The following PDE4A variants were observed in gnomAD, a reference collection of about 807,000 sequenced individuals.
The protein encoded by PDE4A is 3',5'-cyclic-AMP phosphodiesterase 4A.
PDE4A carries 21 observed loss-of-function variants against 73.9 expected under a neutral mutation model. The observed-to-expected ratio is 0.28, with a 90% CI of 0.20 to 0.41. The LOEUF (loss-of-function observed/expected upper bound fraction) is 0.41. Among genes scored for constraint, PDE4A ranks in the 10% least tolerant of loss-of-function variants. PDE4A has a pLI of 1.00. For missense variants in PDE4A, 958 were observed against 1,211.4 expected (o/e 0.79, Z 3.10); for synonymous variants, 463 against 505.4 (o/e 0.92, Z 1.13).
In PDE4A at chr19:10,430,567, G is replaced by T. The variant is rs191001937; in HGVS notation, c.320+9483G>T. On this transcript the variant is annotated intron_variant, in intron 1 of 14. Coordinates refer to ENST00000380702, the MANE Select transcript of PDE4A (RefSeq NM_001111307.2). ...CAGGAGTGTCCCCACAGATTTGGGGGTGTCCCTGGTGTTTGTGGGGACGCG... is the reference window on the plus strand; with the variant it reads ...CAGGAGTGTCCCCACAGATTTGGGGTTGTCCCTGGTGTTTGTGGGGACGCG... Among the ~76,000 whole-genome samples the T allele has an allele frequency of 1.2e-3, 176 of 152,164 alleles. 2 individuals carry two copies. The East Asian group carries it at 0.031, about 27-fold the overall frequency.
chr19:10,420,545 G>A lies in PDE4A; in HGVS notation c.-220G>A. Reference sequence around the variant, plus strand: ...CGGAGCGCGGAGCGCGGAGAGCGCCGCCGGGCACTGAGCAGAGCTCCAGGC... The same window carrying A: ...CGGAGCGCGGAGCGCGGAGAGCGCCACCGGGCACTGAGCAGAGCTCCAGGC... On this transcript the variant is annotated 5_prime_UTR_variant, in exon 1 of 15. Coordinates refer to ENST00000380702, the MANE Select transcript of PDE4A (RefSeq NM_001111307.2). This position sits in a 1 kb window ranked among gnomAD's most constrained non-coding sequence, Gnocchi z 6.0. 3 of 1,165,748 alleles carry A rather than the reference G, an allele frequency of 2.6e-6. No individual in the cohort carries two copies. Among genetic ancestry groups the A allele is most frequent in the Non-Finnish European group, 3.2e-6 (3 of 940,428 alleles). 72.2% of individuals were successfully genotyped at this position (1,165,748 alleles called of 1,614,324 possible). A position where few individuals can be genotyped will look rare whatever the true frequency, so the allele number is the denominator to read the frequency against.
chr19:10,465,800 G>A (rs373533372), intron 14 of PDE4A, among the ~76,000 whole-genome samples: 4 of 134,842 alleles, frequency 3.0e-5, no homozygotes, highest in African/African-American at 8.3e-5. Flanking sequence ...TCCCGGGTTC[G>A]AGCCATTGTC....
At chr19:10,431,035 G>C (rs2042782032) in intron 1 of PDE4A, 1 of 1,577,532 alleles carries the variant, frequency 6.3e-7, no homozygotes, top group Admixed American at 1.7e-5. Context: ...AGACGCCTTC[G>C]GCTTCTCCGC....
chr19:10,430,086 G>C (rs952702008), intron 1 of PDE4A, among the ~76,000 whole-genome samples: 1 of 151,990 alleles, frequency 6.6e-6, no homozygotes, highest in African/African-American at 2.4e-5. Flanking sequence ...GGGATGATGA[G>C]AGTTGGGGAT....
At chr19:10,436,346 G>A (rs1311603042) in intron 1 of PDE4A, among the ~76,000 whole-genome samples, 4 of 151,724 alleles carry the variant, frequency 2.6e-5, no homozygotes, top group Admixed American at 2.0e-4. Flanking sequence ...ACCTGAGATC[G>A]GGAGTTCAAG....
chr19:10,446,315 A>G lies in PDE4A; in HGVS notation c.418A>G (p.Ser140Gly). The G allele has an allele frequency of 6.2e-7, 1 of 1,613,472 alleles. No individual in the cohort carries two copies. Among genetic ancestry groups the G allele is most frequent in the Non-Finnish European group, 8.5e-7 (1 of 1,179,656 alleles). ...GLVLHAGAAT[S>G]QRRESFLYRS... is the part of the protein sequence containing the mutation. ...CGTGCTGCACGCCGGGGCGGCCACC[A>G]GCCAGCGCCGGGAGTCCTTCCTGTA... is the stretch of plus-strand genomic sequence containing the variant. The change falls in exon 2 of 15, where the codon AGC (serine) becomes GGC (glycine). Residue 140 changes from serine to glycine, a missense_variant. Transcript: ENST00000380702.
At position 10,420,819 on chromosome 19, in the gene PDE4A, C is replaced by T. The variant is rs752794821; in HGVS notation, c.55C>T (p.Pro19Ser). The T allele has an allele frequency of 1.1e-5, 18 of 1,587,302 alleles. No individual in the cohort carries two copies. Among genetic ancestry groups the T allele is most frequent in the Non-Finnish European group, 1.4e-5 (17 of 1,174,922 alleles). ...ERSLSLSLPG[P>S]REGQATLKPP... ...GAGCCTGTCTCTGTCACTGCCCGGG[C>T]CCCGGGAGGGCCAGGCCACCCTGAA... The change falls in exon 1 of 15, where the codon CCC becomes TCC. Residue 19 changes from proline (P) to serine (S), a missense_variant. Coordinates refer to ENST00000380702, the MANE Select transcript of PDE4A (RefSeq NM_001111307.2). This position sits in a 1 kb window ranked among gnomAD's most constrained non-coding sequence, Gnocchi z 6.0.
At chr19:10,444,199 G>A (rs1226859463) in intron 1 of PDE4A, among the ~76,000 whole-genome samples, 1 of 151,636 alleles carries the variant, frequency 6.6e-6, no homozygotes, top group Admixed American at 6.6e-5. Context: ...TGACCAACAT[G>A]GAGAAACCCC....
chr19:10,452,871 C>T (rs1332985881), intron 6 of PDE4A: 3 of 724,494 alleles, frequency 4.1e-6, no homozygotes, highest in African/African-American at 1.9e-5. Flanking sequence ...TAATACCCCC[C>T]CACCCCCAGC....
At chr19:10,431,214 A>G (rs987015933) in intron 1 of PDE4A, 3 of 638,110 alleles carry the variant, frequency 4.7e-6, no homozygotes, top group Non-Finnish European at 7.2e-6. Context: ...AGCGATCAAA[A>G]TCATCCCTGA....
Position 10,420,596 on chromosome 19 carries a change from C to A in PDE4A, c.-169C>A. The A allele has an allele frequency of 7.7e-7, 1 of 1,292,580 alleles. No homozygotes were observed. Among genetic ancestry groups the A allele is most frequent in the Non-Finnish European group, 9.8e-7 (1 of 1,024,762 alleles). The allele number at this position is 1,292,580 out of a possible 1,614,324, so 80.1% of individuals were successfully genotyped here. The stretch of plus-strand genomic sequence containing the variant: ...GCCGAAAGGAAGCTGCAGAGCCCGG[C>A]CCGGGGGCGATTGGCCCGCAGCGCC... On this transcript the variant is annotated 5_prime_UTR_variant, in exon 1 of 15. Coordinates refer to ENST00000380702, the MANE Select transcript of PDE4A (RefSeq NM_001111307.2). The surrounding 1 kb of genome is among the most constrained non-coding windows in gnomAD (Gnocchi z 6.0).
chr19:10,443,542 C>A, intron 1 of PDE4A, among the ~76,000 whole-genome samples: 2 of 92,786 alleles, frequency 2.2e-5, no homozygotes, highest in Middle Eastern at 6.9e-3. Context: ...GAGACCCTGT[C>A]TCAAAAAAAA....
At chr19:10,431,145 A>G in intron 1 of PDE4A, 2 of 1,169,854 alleles carry the variant, frequency 1.7e-6, no homozygotes, top group East Asian at 3.0e-5. Flanking sequence ...GGCGCACTCC[A>G]GGGTCTAGGG....
chr19:10,439,815 G>C (rs73923225), intron 1 of PDE4A, among the ~76,000 whole-genome samples: 3,316 of 152,000 alleles, frequency 0.022, 121 homozygotes, highest in African/African-American at 0.076. Flanking sequence ...AACAGGACAC[G>C]GGTAAAGGCC....
intron 7 of PDE4A, 79 bp from the exon 8 acceptor site, chr19:10,457,800 G>T: frequency 6.3e-7 from 1 of 1,575,516 alleles, no homozygotes. Context: ...CCCCGTACGT[G>T]GTAGTGGGCT....
Position 10,450,809 on chromosome 19 carries a change from C to T in PDE4A, c.671-20C>T. 1 of 1,594,410 alleles carries T rather than the reference C, an allele frequency of 6.3e-7. No individual in the cohort carries two copies. Among genetic ancestry groups the T allele is most frequent in the East Asian group, 2.3e-5 (1 of 44,002 alleles). On this transcript the variant is annotated intron_variant, in intron 5 of 14. Coordinates refer to ENST00000380702, the MANE Select transcript of PDE4A (RefSeq NM_001111307.2). ...GCCTACAGACCTTCTCAGTCACTAC[C>T]CTGGCTGCCCCTTCCTTAGAAGAAA...
chr19:10,442,861 C>T lies in PDE4A; in HGVS notation c.321-3357C>T, dbSNP rs535921413. On this transcript the variant is annotated intron_variant, in intron 1 of 14. Coordinates refer to ENST00000380702, the MANE Select transcript of PDE4A (RefSeq NM_001111307.2). ...TATATATAGTAATATTATATACATG[C>T]ATGTAATATTAGTAATAGTGCATAT... 1.8e-4 allele frequency among the ~76,000 whole-genome samples: 27 copies of T among 148,546 alleles called. 1 individual carries two copies. The South Asian group carries it at 5.3e-3, about 29-fold the overall frequency.
intron 1 of PDE4A, among the ~76,000 whole-genome samples, chr19:10,425,644 G>C (rs1025183578): frequency 6.6e-6 from 1 of 152,212 alleles, no homozygotes; most frequent in African/African-American, 2.4e-5. Flanking sequence ...GGTGAGAACA[G>C]AATTGTGAGG....
intron 13 of PDE4A, 147 bp downstream of exon 13, chr19:10,462,146 T>C: frequency 1.5e-6 from 1 of 688,206 alleles, no homozygotes; most frequent in Non-Finnish European, 2.4e-6. Context: ...TGTTTGTTTG[T>C]TTTTGAGACG....
Sources: gnomAD v4.1 joint callset for allele counts (sites outside exome capture counted in the v4.1 genomes callset) on GRCh38, gnomAD v4.1.1 for gene constraint, Gnocchi (gnomAD v3.1) non-coding constraint, MANE v1.5 for transcripts, NCBI Gene and HGNC (gene_info 2026-07-23, HGNC 2026-07-21) for gene names.